The following TBC1D2B variants were observed in gnomAD, a reference collection of about 807,000 sequenced individuals.
TBC1D2B encodes TBC1 domain family member 2B.
Under a neutral mutation model 100.8 loss-of-function variants are expected in TBC1D2B, and 64 were observed. The observed-to-expected ratio is 0.64, with a 90% CI of 0.52 to 0.78. The LOEUF (loss-of-function observed/expected upper bound fraction) is 0.78, where lower values mean the gene tolerates loss of function less well. TBC1D2B is among the 30% of genes least tolerant of loss of function. TBC1D2B has a pLI of 0.00. For synonymous variants in TBC1D2B, 480 were observed against 479.7 expected (o/e 1.00, Z -0.01); for missense variants, 1,052 against 1,218.4 (o/e 0.86, Z 2.03).
intron 10 of TBC1D2B, among the ~76,000 whole-genome samples, chr15:78,008,760 G>T (rs1202050886): frequency 6.6e-6 from 1 of 152,216 alleles, no homozygotes; most frequent in Non-Finnish European, 1.5e-5. Context: ...TAGGCCTGCA[G>T]GACGGGTCTG....
chr15:78,042,725 C>T (rs918688522), intron 3 of TBC1D2B, among the ~76,000 whole-genome samples: 1 of 152,150 alleles, frequency 6.6e-6, no homozygotes, highest in Non-Finnish European at 1.5e-5. Context: ...AAGAGGAAGG[C>T]ACAGAATGGC....
intron 1 of TBC1D2B, among the ~76,000 whole-genome samples, chr15:78,064,584 T>C (rs185304612): frequency 6.6e-6 from 1 of 152,200 alleles, no homozygotes; most frequent in East Asian, 1.9e-4. Flanking sequence ...CCATAAGCAA[T>C]AAAAAGCACA....
chr15:78,050,100 T>C (rs1406493188), intron 2 of TBC1D2B, among the ~76,000 whole-genome samples: 2 of 152,200 alleles, frequency 1.3e-5, no homozygotes, highest in Non-Finnish European at 1.5e-5. Context: ...GGGGCCTGCA[T>C]TCCACCTGAT....
At chr15:78,007,882 C>G (rs1038752895) in intron 10 of TBC1D2B, among the ~76,000 whole-genome samples, 2 of 152,210 alleles carry the variant, frequency 1.3e-5, no homozygotes, top group Non-Finnish European at 2.9e-5. Context: ...AGAGGGAAAA[C>G]CCCTTCAGTC....
intron 2 of TBC1D2B, among the ~76,000 whole-genome samples, chr15:78,048,639 C>T (rs1323381321): frequency 6.6e-6 from 1 of 152,190 alleles, no homozygotes; most frequent in African/African-American, 2.4e-5. Context: ...GTTCTGATTC[C>T]AGCACTGCCT....
At chr15:78,069,112 G>C (rs1004098812) in intron 1 of TBC1D2B, among the ~76,000 whole-genome samples, 2 of 152,184 alleles carry the variant, frequency 1.3e-5, no homozygotes, top group African/African-American at 4.8e-5. Context: ...GCAACTGATC[G>C]AGGAGACTGG....
chr15:78,005,036 A>C (rs1293698184), intron 10 of TBC1D2B, among the ~76,000 whole-genome samples: 1 of 152,226 alleles, frequency 6.6e-6, no homozygotes, highest in African/African-American at 2.4e-5. Flanking sequence ...TAATTCATTC[A>C]GCCTGGAGTA....
intron 8 of TBC1D2B, among the ~76,000 whole-genome samples, chr15:78,015,139 T>C (rs2072337137): frequency 6.6e-6 from 1 of 152,090 alleles, no homozygotes; most frequent in Admixed American, 6.6e-5. Context: ...AGGCGGAGCT[T>C]GCAGTGAGCT....
chr15:78,040,302 TAAAAC>T (rs1249036308), intron 3 of TBC1D2B, among the ~76,000 whole-genome samples: 2 of 152,160 alleles, frequency 1.3e-5, no homozygotes, highest in African/African-American at 4.8e-5. Flanking sequence ...AAAAGGAACT[TAAAAC>T]AAACACATGC....
chr15:78,000,890 C>A (rs1230518785), intron 12 of TBC1D2B, among the ~76,000 whole-genome samples: 1 of 152,220 alleles, frequency 6.6e-6, no homozygotes, highest in Non-Finnish European at 1.5e-5. Context: ...GACCACCTAC[C>A]TCCAGGCCAC....
intron 1 of TBC1D2B, among the ~76,000 whole-genome samples, chr15:78,058,193 G>C (rs2073465909): frequency 6.6e-6 from 1 of 152,160 alleles, no homozygotes; most frequent in African/African-American, 2.4e-5. Flanking sequence ...TATCTTTACT[G>C]AACAGTGCTG....
chr15:78,054,360 G>A (rs896417854), intron 1 of TBC1D2B, among the ~76,000 whole-genome samples, 173 bp from the exon 2 acceptor site: 2 of 152,210 alleles, frequency 1.3e-5, no homozygotes, highest in African/African-American at 4.8e-5. Context: ...AGTTGGTCAA[G>A]CAAATAGCAA....
At chr15:78,006,652 T>C (rs1285430876) in intron 10 of TBC1D2B, among the ~76,000 whole-genome samples, 1 of 152,198 alleles carries the variant, frequency 6.6e-6, no homozygotes, top group African/African-American at 2.4e-5. Context: ...CAGCCCCTCA[T>C]CGGTGGCACC....
At chr15:78,035,162 G>A (rs776770414) in intron 3 of TBC1D2B, among the ~76,000 whole-genome samples, 2 of 152,228 alleles carry the variant, frequency 1.3e-5, no homozygotes, top group East Asian at 1.9e-4. Flanking sequence ...GAGGCACCAC[G>A]AAGCAGCAAA....
intron 8 of TBC1D2B, 75 bp downstream of exon 8, chr15:78,016,471 C>G: frequency 7.1e-7 from 1 of 1,413,748 alleles, no homozygotes; most frequent in African/African-American, 1.4e-5. Flanking sequence ...CGGCTCTCTG[C>G]GAATGGTTCC....
chr15:78,074,971 A>C (rs1472776970), intron 1 of TBC1D2B, among the ~76,000 whole-genome samples: 4 of 152,124 alleles, frequency 2.6e-5, no homozygotes, highest in Non-Finnish European at 5.9e-5. Flanking sequence ...ACTATGGAAA[A>C]TGCGCCAGCC....
rs1192766265 is a variant in TBC1D2B at position 78,077,339 on chromosome 15, G to C, written c.314C>G (p.Pro105Arg). 19 of 1,537,422 alleles carry C rather than the reference G, an allele frequency of 1.2e-5. No homozygotes were observed. Among genetic ancestry groups the C allele is most frequent in the Non-Finnish European group, 1.4e-5 (16 of 1,142,470 alleles). The stretch of plus-strand genomic sequence containing the variant: ...CGCGCTGTGCACCTGGAAGTGCGCG[G>C]GCGGCTCCGTGCCCGGCTCCGCCGC... ...DEAAEPGTEPPAHFQVHSAGA... is the reference protein window; with the variant it reads ...DEAAEPGTEPRAHFQVHSAGA... Residue 105 changes from proline (P) to arginine (R), a missense_variant, in exon 1 of 13, where the codon CCC becomes CGC. By Grantham distance (103) the Pro-to-Arg change is moderately radical. This residue lies in a region of TBC1D2B where 627 missense variants were observed against 646.1 expected (regional missense o/e 0.97). Coordinates refer to ENST00000300584, the MANE Select transcript of TBC1D2B (RefSeq NM_144572.2).
At chr15:78,029,522 G>A (rs555127580) in intron 4 of TBC1D2B, among the ~76,000 whole-genome samples, 8 of 152,344 alleles carry the variant, frequency 5.3e-5, no homozygotes, top group African/African-American at 1.7e-4. Context: ...TTATCTCTTA[G>A]AGATACATAC....
At chr15:78,039,857 T>C (rs1015202596) in intron 3 of TBC1D2B, among the ~76,000 whole-genome samples, 1 of 151,872 alleles carries the variant, frequency 6.6e-6, no homozygotes, top group Non-Finnish European at 1.5e-5. Flanking sequence ...ACCCAATAAG[T>C]AGCAGGACTG....
Sources: gnomAD v4.1 joint callset for allele counts (sites outside exome capture counted in the v4.1 genomes callset) on GRCh38, gnomAD v4.1.1 for gene constraint, gnomAD v4.1.1 regional missense constraint, MANE v1.5 for transcripts, NCBI Gene and HGNC (gene_info 2026-07-23, HGNC 2026-07-21) for gene names.